Variants in DEPDC5 observed in about 807,000 individuals in gnomAD.
DEPDC5 encodes the protein DEP domain containing 5, GATOR1 subcomplex subunit, also known as GATOR1 complex protein DEPDC5.
In DEPDC5, 73 loss-of-function variants were observed where a neutral mutation model predicts 217.3. The ratio of observed to expected loss-of-function variants is 0.34; its 90% CI spans 0.28 to 0.41. DEPDC5 has a LOEUF of 0.41. DEPDC5 is among the 10% of genes least tolerant of loss of function. The pLI, the probability that DEPDC5 is intolerant of heterozygous loss-of-function variation, is 1.00. For synonymous variants in DEPDC5, 733 were observed against 756.7 expected (o/e 0.97, Z 0.51); for missense variants, 1,675 against 2,070.1 (o/e 0.81, Z 3.70).
chr22:31,820,116 G>A (rs1410837394), intron 22 of DEPDC5, among the ~76,000 whole-genome samples: 2 of 151,998 alleles, frequency 1.3e-5, no homozygotes, highest in East Asian at 1.9e-4. Context: ...AGGATTTTGT[G>A]TGTGTGTGTG....
At chr22:31,884,149 A>T (rs962875983) in intron 38 of DEPDC5, among the ~76,000 whole-genome samples, 2 of 152,122 alleles carry the variant, frequency 1.3e-5, no homozygotes, top group African/African-American at 2.4e-5. Flanking sequence ...AAGCGGTCAG[A>T]AGAAAACTCC....
At chr22:31,830,756 C>CTT (rs968118595) in intron 24 of DEPDC5, among the ~76,000 whole-genome samples, 2 of 140,350 alleles carry the variant, frequency 1.4e-5, no homozygotes, top group Non-Finnish European at 3.1e-5. Flanking sequence ...TATTTCTTTT[C>CTT]TTTTTTTTTT....
chr22:31,805,116 A>C, intron 17 of DEPDC5: 1 of 428,088 alleles, frequency 2.3e-6, no homozygotes, highest in Non-Finnish European at 4.2e-6. Flanking sequence ...GTGAAAAAGA[A>C]TAAAAACAAA....
chr22:31,800,759 T>C (rs956858820), intron 14 of DEPDC5, among the ~76,000 whole-genome samples: 3 of 152,010 alleles, frequency 2.0e-5, no homozygotes. Context: ...GACAGATCAC[T>C]TGAGGTCAGG....
At chr22:31,815,886 T>C in intron 21 of DEPDC5, 1 of 1,063,134 alleles carries the variant, frequency 9.4e-7, no homozygotes, top group African/African-American at 1.7e-5. Flanking sequence ...TTTAACTGTA[T>C]GCCTTTCCAT....
intron 26 of DEPDC5, 160 bp downstream of exon 26, chr22:31,837,315 TAAAA>T (rs1295937033): frequency 1.4e-6 from 1 of 709,364 alleles, no homozygotes; most frequent in Non-Finnish European, 2.2e-6. Context: ...TAAAAAATTT[TAAAA>T]AAACATTGAA....
rs375636352 is a variant in DEPDC5, at chr22:31,879,610, C to T, written c.3891C>T (p.Ala1297=). Reference sequence around the variant, plus strand: ...TCCAGCGCAAGTGGTTTGAGGTGGCCTTTGTGGCAGAAGAGCTCGTGCACT... The same window carrying T: ...TCCAGCGCAAGTGGTTTGAGGTGGCTTTTGTGGCAGAAGAGCTCGTGCACT... ...ASFQRKWFEV[A]FVAEELVHSE... The change falls in exon 38 of 43, where the codon GCC becomes GCT. Residue 1297 remains alanine (A), a synonymous_variant. Coordinates refer to ENST00000651528, the MANE Select transcript of DEPDC5 (RefSeq NM_001242896.3). 1.4e-5 allele frequency: 23 copies of T among 1,613,854 alleles called. No individual in the cohort carries two copies. Among genetic ancestry groups the T allele is most frequent in the Non-Finnish European group, 1.9e-5 (22 of 1,180,030 alleles).
chr22:31,884,889 C>T (rs1364088779), intron 38 of DEPDC5, among the ~76,000 whole-genome samples: 14 of 152,238 alleles, frequency 9.2e-5, no homozygotes, highest in African/African-American at 3.4e-4. Context: ...CAGTTGCCTT[C>T]TCATGTCTTT....
intron 33 of DEPDC5, among the ~76,000 whole-genome samples, chr22:31,864,526 TTATA>T (rs1304597557): frequency 4.8e-4 from 56 of 117,732 alleles, no homozygotes; most frequent in Non-Finnish European, 7.1e-4. Context: ...ATATATATAT[TTATA>T]TATTTATTTA....
At chr22:31,817,405 T>C (rs146775940) in intron 21 of DEPDC5, 6 of 438,812 alleles carry the variant, frequency 1.4e-5, no homozygotes, top group Non-Finnish European at 2.7e-5. Context: ...CCACCTTGCC[T>C]GGCCAAAGTG....
chr22:31,809,043 C>T (rs1013932070), intron 18 of DEPDC5, among the ~76,000 whole-genome samples: 4 of 152,166 alleles, frequency 2.6e-5, no homozygotes, highest in Admixed American at 1.3e-4. Context: ...GCTGGGATTA[C>T]AGGCGTGAAC....
rs541299740 is a variant in DEPDC5 at position 31,861,178 on chromosome 22, CT to C, written c.3265-175del. Among the ~76,000 whole-genome samples, 616 of 141,668 alleles carry C rather than the reference CT, an allele frequency of 4.3e-3. 1 individual carries two copies. The highest frequency in any genetic ancestry group is 5.3e-3 in the Non-Finnish European group (338 of 64,344). The allele number at this position is 141,668 out of a possible 152,430, so 92.9% of individuals were successfully genotyped here. On this transcript the variant is annotated intron_variant, in intron 32 of 42. Transcript: ENST00000651528. ...TGGGTGGCGCTCTCTCTCTCTCTCTCTTTTTTTTTTTTTTTAATTTTCCCTA... is the reference window on the plus strand; with the variant it reads ...TGGGTGGCGCTCTCTCTCTCTCTCTCTTTTTTTTTTTTTTAATTTTCCCTA...
chr22:31,897,392 C>T, intron 39 of DEPDC5, 90 bp from the exon 40 acceptor site: 3 of 1,486,568 alleles, frequency 2.0e-6, no homozygotes, highest in Non-Finnish European at 2.7e-6. Context: ...ATGCATGCTG[C>T]CTTTCTGGCG....
chr22:31,891,143 TTTA>T (rs1213951239), intron 38 of DEPDC5: 3 of 476,376 alleles, frequency 6.3e-6, no homozygotes, highest in Non-Finnish European at 1.2e-5. Flanking sequence ...AAGGAATGTT[TTTA>T]TTTTTTTGTA....
chr22:31,835,859 T>C (rs542641775), intron 25 of DEPDC5, among the ~76,000 whole-genome samples: 1 of 152,334 alleles, frequency 6.6e-6, no homozygotes, highest in East Asian at 1.9e-4. Flanking sequence ...TGGGGCATCT[T>C]TCTGCTGTGA....
intron 13 of DEPDC5, 80 bp from the exon 14 acceptor site, chr22:31,798,502 A>G: frequency 7.8e-7 from 1 of 1,287,872 alleles, no homozygotes; most frequent in African/African-American, 1.5e-5. Flanking sequence ...TGGGTGACAC[A>G]GCAAGGCTTC....
intron 25 of DEPDC5, among the ~76,000 whole-genome samples, chr22:31,836,358 T>C (rs1349055428): frequency 3.3e-5 from 5 of 152,360 alleles, no homozygotes; most frequent in Middle Eastern, 3.4e-3. Flanking sequence ...GACAGACCCA[T>C]GTGGTCAGGA....
At chr22:31,866,279 C>T (rs2092686778) in intron 33 of DEPDC5, among the ~76,000 whole-genome samples, 1 of 152,084 alleles carries the variant, frequency 6.6e-6, no homozygotes, top group Admixed American at 6.5e-5. Context: ...TGGATTTTGC[C>T]ATTTTTTTCA....
intron 24 of DEPDC5, among the ~76,000 whole-genome samples, chr22:31,829,097 C>G (rs1602228150): frequency 1.3e-5 from 2 of 152,208 alleles, no homozygotes; most frequent in East Asian, 1.9e-4. Context: ...AGATCCTCCC[C>G]TTCCTGACTG....
Sources: allele counts gnomAD v4.1 joint callset (sites outside exome capture counted in the v4.1 genomes callset), GRCh38; gene constraint gnomAD v4.1.1; transcripts MANE v1.5; gene names NCBI Gene and HGNC (gene_info 2026-07-23, HGNC 2026-07-21).